NRAP: variants seen among roughly 807,000 people sequenced by gnomAD.
NRAP encodes the protein nebulin-related-anchoring protein.
Under a neutral mutation model 225.9 loss-of-function variants are expected in NRAP, and 189 were observed. The observed-to-expected ratio is 0.84, with a 90% CI of 0.74 to 0.94. NRAP has a LOEUF of 0.94. NRAP is among the 40% of genes least tolerant of loss of function. The probability of loss-of-function intolerance (pLI) is 0.00; values close to 1 mark genes in which losing one functional copy is unlikely to be tolerated. For synonymous variants in NRAP, 769 were observed against 790.7 expected (o/e 0.97, Z 0.46); for missense variants, 2,176 against 2,168.7 (o/e 1.00, Z -0.07).
chr10:113,597,960 T>C lies in NRAP; in HGVS notation c.4332+9A>G. 6.3e-7 allele frequency: 1 copy of C among 1,586,768 alleles called. No homozygotes were observed. Among genetic ancestry groups the C allele is most frequent in the Non-Finnish European group, 8.7e-7 (1 of 1,155,078 alleles). ...CTTGTCACTTGTGGTGGGGACAGGT[T>C]GATGGTACCTCGCTGATGAGTTCTC... On this transcript the variant is annotated intron_variant, in intron 36 of 41. Coordinates refer to ENST00000359988, the MANE Select transcript of NRAP (RefSeq NM_198060.4).
At chr10:113,641,983 A>G (rs1849232035) in intron 12 of NRAP, among the ~76,000 whole-genome samples, 1 of 152,216 alleles carries the variant, frequency 6.6e-6, no homozygotes. Context: ...TAATTATGTT[A>G]TGTGTCAAAT....
At chr10:113,645,002 A>G (rs2134118469) in intron 11 of NRAP, among the ~76,000 whole-genome samples, 1 of 152,306 alleles carries the variant, frequency 6.6e-6, no homozygotes, top group South Asian at 2.1e-4. Flanking sequence ...TTCCTTGCCA[A>G]ACAGTCCTCA....
At chr10:113,599,235 G>A (rs919427307) in intron 35 of NRAP, among the ~76,000 whole-genome samples, 12 of 152,128 alleles carry the variant, frequency 7.9e-5, no homozygotes, top group Admixed American at 3.9e-4. Context: ...AAGAGGGTCC[G>A]TTTCTGATCT....
chr10:113,591,911 C>T (rs925317287), intron 39 of NRAP, among the ~76,000 whole-genome samples: 2 of 152,194 alleles, frequency 1.3e-5, no homozygotes, highest in African/African-American at 4.8e-5. Context: ...ATCAACAACC[C>T]AAGCTCATAT....
At chr10:113,649,577 C>T (rs1360813852) in intron 9 of NRAP, among the ~76,000 whole-genome samples, 1 of 152,176 alleles carries the variant, frequency 6.6e-6, no homozygotes, top group African/African-American at 2.4e-5. Context: ...GGTTTGCATT[C>T]TCTGGCATAC....
At chr10:113,648,467 C>CTCTCTCTCTATATATATATA (rs749486311) in intron 9 of NRAP, among the ~76,000 whole-genome samples, 4 of 87,356 alleles carry the variant, frequency 4.6e-5, no homozygotes, top group Non-Finnish European at 6.7e-5. Flanking sequence ...CTCTCTCTCT[C>CTCTCTCTCTATATATATATA]TATATATATA....
chr10:113,589,527 G>T (rs1377311669), intron 41 of NRAP, 139 bp downstream of exon 41: 29 of 981,928 alleles, frequency 3.0e-5, no homozygotes, highest in Non-Finnish European at 4.2e-5. Context: ...ATGAAATTAG[G>T]CGCCTTGTTT....
Position 113,605,854 on chromosome 10 carries a change from A to G in NRAP, c.3823T>C (p.Ser1275Pro). ...CCTTGAGCACGAAGATTACGCCAGG[A>G]CTCTTTGTATCTTGCCTAAAGTGGG... Reference protein sequence around the residue: ...ANLSDARYKESWRNLRAQGYK... With the variant: ...ANLSDARYKEPWRNLRAQGYK... Residue 1275 changes from serine to proline, a missense_variant, in exon 34 of 42, where the codon TCC becomes CCC. By Grantham distance (74) the Ser-to-Pro change is moderately conservative (BLOSUM62 -1). Coordinates refer to ENST00000359988, the MANE Select transcript of NRAP (RefSeq NM_198060.4). 6.2e-7 allele frequency: 1 copy of G among 1,613,664 alleles called. No individual in the cohort carries two copies. The highest frequency in any genetic ancestry group is 8.5e-7 in the Non-Finnish European group (1 of 1,179,692).
At chr10:113,589,333 C>A in intron 41 of NRAP, 1 of 573,354 alleles carries the variant, frequency 1.7e-6, no homozygotes, top group Admixed American at 3.2e-5. Flanking sequence ...ACTGTCATAT[C>A]CAGCGAGTCC....
rs761944478 is a variant in NRAP, at chr10:113,641,365, G to A, written c.1323C>T (p.Asn441=). 8.7e-6 allele frequency: 14 copies of A among 1,605,014 alleles called. No individual in the cohort carries two copies. Among genetic ancestry groups the A allele is most frequent in the Middle Eastern group, 3.3e-4 (2 of 6,050 alleles). ...CAGACCCTGGCATAAAAGGACTCAC[G>A]TTGCTTGCCAGGCTGCCAACTTTCA... The part of the protein sequence containing the change: ...HAMKVGSLAS[N]VAYKADYKHD... Residue 441 remains asparagine, a splice_region_variant and synonymous_variant, in exon 13 of 42, where the codon AAC becomes AAT. Coordinates refer to ENST00000359988, the MANE Select transcript of NRAP (RefSeq NM_198060.4).
chr10:113,595,719 A>G lies in NRAP; in HGVS notation c.4440T>C (p.Tyr1480=). 6.2e-7 allele frequency: 1 copy of G among 1,608,106 alleles called. No individual in the cohort carries two copies. The highest frequency in any genetic ancestry group is 8.5e-7 in the Non-Finnish European group (1 of 1,174,630). ...GCAGGGATTCTGCATCTCCAGATCT[A>G]TACATGCGCTGTAGATAAGATGGGC... ...NSYMHCNERM[Y]RSGDAESLHR... is the part of the protein sequence containing the mutation. The change falls in exon 38 of 42, where the codon TAT becomes TAC. Residue 1480 remains tyrosine, a synonymous_variant. Coordinates refer to ENST00000359988, the MANE Select transcript of NRAP (RefSeq NM_198060.4).
chr10:113,600,155 T>TTCTCTCTCTCTCAC (rs1846511729), intron 35 of NRAP, among the ~76,000 whole-genome samples: 1 of 140,198 alleles, frequency 7.1e-6, no homozygotes, highest in Non-Finnish European at 1.5e-5. Context: ...AGGGGTTATA[T>TTCTCTCTCTCTCAC]TCTCTCTCTC....
At chr10:113,651,383 T>C (rs757002509) in intron 7 of NRAP, among the ~76,000 whole-genome samples, 3 of 152,158 alleles carry the variant, frequency 2.0e-5, no homozygotes, top group Non-Finnish European at 2.9e-5. Flanking sequence ...GACGTGCAGG[T>C]TTGTTACGTA....
intron 9 of NRAP, among the ~76,000 whole-genome samples, chr10:113,648,435 G>GTT (rs1416959634): frequency 8.9e-5 from 3 of 33,608 alleles, no homozygotes; most frequent in African/African-American, 1.6e-4. Flanking sequence ...CTTTATTTTA[G>GTT]TTTCTCTCTC....
chr10:113,663,314 A>T (rs769420573), intron 2 of NRAP, 38 bp downstream of exon 2: 2 of 1,224,290 alleles, frequency 1.6e-6, no homozygotes, highest in South Asian at 2.4e-5. Flanking sequence ...AAAACAAATA[A>T]AACTCAAGAG....
Position 113,657,714 on chromosome 10 carries a change from G to A in NRAP, c.256-140C>T. 3 of 649,206 alleles carry A rather than the reference G, an allele frequency of 4.6e-6. No homozygotes were observed. The South Asian group carries it at 5.1e-5, about 11-fold the overall frequency. The allele number at this position is 649,206 out of a possible 1,614,324, so 40.2% of individuals were successfully genotyped here. A position where few individuals can be genotyped will look rare whatever the true frequency, so the allele number is the denominator to read the frequency against. On this transcript the variant is annotated intron_variant, in intron 3 of 41. Transcript: ENST00000359988. Reference sequence around the variant, plus strand: ...TTCACTGTGCTGCAAGGCACACTGTGCTGTCAGTCTCCCTGTGGTTTAATC... The same window carrying A: ...TTCACTGTGCTGCAAGGCACACTGTACTGTCAGTCTCCCTGTGGTTTAATC...
At chr10:113,641,024 G>A (rs955197385) in intron 13 of NRAP, among the ~76,000 whole-genome samples, 1 of 152,118 alleles carries the variant, frequency 6.6e-6, no homozygotes, top group Non-Finnish European at 1.5e-5. Flanking sequence ...CAAAAGCTTT[G>A]GAACCCTGGG....
At chr10:113,657,200 G>T (rs1293135592) in intron 4 of NRAP, among the ~76,000 whole-genome samples, 3 of 152,156 alleles carry the variant, frequency 2.0e-5, no homozygotes, top group African/African-American at 7.2e-5. Context: ...TGAGTGAAGT[G>T]TCAGAGAAAG....
At chr10:113,590,025 T>C (rs576102215) in intron 40 of NRAP, among the ~76,000 whole-genome samples, 1 of 152,166 alleles carries the variant, frequency 6.6e-6, no homozygotes, top group Non-Finnish European at 1.5e-5. Context: ...CATCTTCCCA[T>C]TCAAGTGACA....
Sources: gnomAD v4.1 joint callset for allele counts (sites outside exome capture counted in the v4.1 genomes callset) on GRCh38, gnomAD v4.1.1 for gene constraint, MANE v1.5 for transcripts, NCBI Gene and HGNC (gene_info 2026-07-23, HGNC 2026-07-21) for gene names.